Variants in ADAMTS14 observed in about 807,000 individuals in gnomAD.
ADAMTS14 encodes the protein ADAM metallopeptidase with thrombospondin type 1 motif 14.
A neutral mutation model predicts 128.6 loss-of-function variants in ADAMTS14; 100 were observed. The observed-to-expected ratio is 0.78, with a 90% CI of 0.66 to 0.92. The LOEUF (loss-of-function observed/expected upper bound fraction) is 0.92, where lower values mean the gene tolerates loss of function less well. Among genes scored for constraint, ADAMTS14 ranks in the 40% least tolerant of loss-of-function variants. ADAMTS14 has a pLI of 0.00. For missense variants in ADAMTS14, 1,562 were observed against 1,658.6 expected, an observed-to-expected ratio of 0.94 and a Z score of 1.01; for synonymous variants, 665 against 653.8, an observed-to-expected ratio of 1.02 and a Z score of -0.26.
intron 6 of ADAMTS14, among the ~76,000 whole-genome samples, chr10:70,730,456 T>C (rs1180903414): frequency 3.3e-5 from 5 of 152,158 alleles, no homozygotes; most frequent in African/African-American, 4.8e-5. Flanking sequence ...CCCCGATATT[T>C]TGGTGGAGGC....
At chr10:70,716,365 T>C (rs77612239) in intron 4 of ADAMTS14, among the ~76,000 whole-genome samples, 10,053 of 152,208 alleles carry the variant, frequency 0.066, 443 homozygotes, top group East Asian at 0.17. Context: ...GCTCACAGCA[T>C]TGAGATGGAC....
chr10:70,706,272 A>C (rs1452882671), intron 3 of ADAMTS14, among the ~76,000 whole-genome samples: 3 of 152,134 alleles, frequency 2.0e-5, no homozygotes, highest in Non-Finnish European at 4.4e-5. Flanking sequence ...GGGAGGCCTG[A>C]GTTTACATTC....
chr10:70,713,176 G>A (rs924281493), intron 4 of ADAMTS14, among the ~76,000 whole-genome samples: 7 of 152,240 alleles, frequency 4.6e-5, no homozygotes, highest in African/African-American at 1.4e-4. Flanking sequence ...TTAACTCTTG[G>A]TTGGACTGAG....
At chr10:70,697,309 G>A (rs572015503) in intron 2 of ADAMTS14, among the ~76,000 whole-genome samples, 108 of 152,312 alleles carry the variant, frequency 7.1e-4, no homozygotes, top group Admixed American at 1.6e-3. Context: ...GGCAGCAGGC[G>A]AGGGGACTTA....
chr10:70,749,286 C>T (rs1157254732), intron 15 of ADAMTS14, among the ~76,000 whole-genome samples: 13 of 152,172 alleles, frequency 8.5e-5, no homozygotes, highest in Admixed American at 8.5e-4. Flanking sequence ...TTCTATCATC[C>T]TCCTGGGGCA....
At chr10:70,745,091 G>A in intron 14 of ADAMTS14, 135 bp from the exon 15 acceptor site, 1 of 784,058 alleles carries the variant, frequency 1.3e-6, no homozygotes, top group Admixed American at 2.5e-5. Context: ...GTTTACAAAT[G>A]AGGATACAGA....
At chr10:70,721,235 G>T (rs1841251212) in intron 4 of ADAMTS14, among the ~76,000 whole-genome samples, 2 of 151,678 alleles carry the variant, frequency 1.3e-5, no homozygotes, top group South Asian at 2.1e-4. Context: ...ATGTTGGTAA[G>T]GCTGGTCTCC....
At chr10:70,740,432 C>T (rs1319298354) in intron 11 of ADAMTS14, among the ~76,000 whole-genome samples, 1 of 152,124 alleles carries the variant, frequency 6.6e-6, no homozygotes, top group Non-Finnish European at 1.5e-5. Context: ...GATTATAGTC[C>T]CTGTTTTCAA....
At chr10:70,685,779 TCAGAATGA>T (rs1839934452) in intron 2 of ADAMTS14, among the ~76,000 whole-genome samples, 1 of 152,122 alleles carries the variant, frequency 6.6e-6, no homozygotes, top group African/African-American at 2.4e-5. Flanking sequence ...GGCAACAGCT[TCAGAATGA>T]TTAATGCTAA....
chr10:70,744,115 G>T lies in ADAMTS14; in HGVS notation c.2108G>T (p.Cys703Phe), dbSNP rs1428741160. 1 of 1,564,948 alleles carries T rather than the reference G, an allele frequency of 6.4e-7. No homozygotes were observed. Among genetic ancestry groups the T allele is most frequent in the East Asian group, 2.4e-5 (1 of 41,878 alleles). ...EVGSMKADDK[C>F]GVCGGDNSHC... The stretch of plus-strand genomic sequence containing the variant: ...GGGTCCATGAAGGCGGATGACAAGT[G>T]TGGAGTCTGCGGGGGTGACAACTCC... The change falls in exon 14 of 22, where the codon TGT (cysteine) becomes TTT (phenylalanine). Residue 703 changes from cysteine to phenylalanine, a missense_variant. Transcript: ENST00000373207.
At position 70,730,134 on chromosome 10, in the gene ADAMTS14, AC is replaced by A. The variant is rs1564542956; in HGVS notation, c.988del (p.Arg330AlafsTer50). ...LSLIERGNPS[R>X]SLEQVCRWAH... ...GCCTGATCGAGCGCGGGAACCCCTC[AC>A]GCAGCCTGGAGCAGGTGTGTCGCTG... On this transcript the variant is annotated frameshift_variant, in exon 6 of 22. Transcript: ENST00000373207. LOFTEE classifies it high-confidence loss of function. 1 of 1,610,762 alleles carries A rather than the reference AC, an allele frequency of 6.2e-7. No individual in the cohort carries two copies. Among genetic ancestry groups the A allele is most frequent in the Admixed American group, 1.7e-5 (1 of 60,006 alleles).
chr10:70,740,057 T>C (rs1461392840), intron 11 of ADAMTS14, among the ~76,000 whole-genome samples: 1 of 152,236 alleles, frequency 6.6e-6, no homozygotes, highest in African/African-American at 2.4e-5. Context: ...AAAGCTACCA[T>C]TTATTGAGCT....
At chr10:70,721,622 C>T (rs761767526) in intron 4 of ADAMTS14, among the ~76,000 whole-genome samples, 9 of 151,318 alleles carry the variant, frequency 5.9e-5, no homozygotes, top group East Asian at 2.0e-4. Context: ...CTCCTGACCT[C>T]GTGATCCACC....
chr10:70,708,420 G>C (rs1371642719), intron 3 of ADAMTS14, among the ~76,000 whole-genome samples, 168 bp from the exon 4 acceptor site: 2 of 152,204 alleles, frequency 1.3e-5, no homozygotes, highest in Admixed American at 1.3e-4. Context: ...CAGGAAAATG[G>C]CTCTTGCCCA....
chr10:70,697,770 C>CACCCTGAGGGGCTT (rs1361125922), intron 2 of ADAMTS14, among the ~76,000 whole-genome samples: 2 of 112,538 alleles, frequency 1.8e-5, no homozygotes, highest in East Asian at 3.9e-4. Flanking sequence ...CCTGGGCTTA[C>CACCCTGAGGGGCTT]ACCCTGAGGG....
chr10:70,708,447 G>A, intron 3 of ADAMTS14, 141 bp from the exon 4 acceptor site: 1 of 698,118 alleles, frequency 1.4e-6, no homozygotes, highest in Non-Finnish European at 2.3e-6. Context: ...GACCTAGTAT[G>A]GAGCAATCCC....
chr10:70,735,194 C>G lies in ADAMTS14; in HGVS notation c.1378C>G (p.Pro460Ala). The G allele has an allele frequency of 6.2e-7, 1 of 1,613,106 alleles. No homozygotes were observed. The highest frequency in any genetic ancestry group is 8.5e-7 in the Non-Finnish European group (1 of 1,179,508). Residue 460 changes from proline (P) to alanine (A), a missense_variant, in exon 9 of 22, where the codon CCC (proline) becomes GCC (alanine). Physicochemically the swap from Pro to Ala is conservative, Grantham distance 27. Coordinates refer to ENST00000373207, the MANE Select transcript of ADAMTS14 (RefSeq NM_080722.4). ...CTCCTACGACTGCCTCCTCGATGAC[C>G]CCTTTGATCCTGCCTGGCCCCAGCC... ...LPSYDCLLDD[P>A]FDPAWPQPPE...
chr10:70,754,036 C>A, intron 19 of ADAMTS14, 29 bp downstream of exon 19: 20 of 1,361,528 alleles, frequency 1.5e-5, no homozygotes, highest in Non-Finnish European at 1.9e-5. Context: ...GTGGGAGGGG[C>A]TTGGGGAGGA....
intron 15 of ADAMTS14, 138 bp from the exon 16 acceptor site, chr10:70,749,684 G>C (rs1842292438): frequency 1.9e-6 from 2 of 1,044,688 alleles, no homozygotes; most frequent in Non-Finnish European, 2.8e-6. Context: ...TCTGACTCGG[G>C]AGGGCTTGGG....
Sources: allele counts gnomAD v4.1 joint callset (sites outside exome capture counted in the v4.1 genomes callset), GRCh38; gene constraint gnomAD v4.1.1; transcripts MANE v1.5; gene names NCBI Gene and HGNC (gene_info 2026-07-23, HGNC 2026-07-21).